The following CNTN5 variants were observed in gnomAD, a reference collection of about 807,000 sequenced individuals.
CNTN5 encodes contactin 5, also known as contactin-5.
CNTN5 carries 77 observed loss-of-function variants against 129.1 expected under a neutral mutation model. The observed-to-expected ratio is 0.60, with a 90% CI of 0.50 to 0.72. The LOEUF (loss-of-function observed/expected upper bound fraction) is 0.72. CNTN5 is among the 30% of genes least tolerant of loss of function. The probability of loss-of-function intolerance (pLI) is 0.00; values close to 1 mark genes in which losing one functional copy is unlikely to be tolerated. For synonymous variants in CNTN5, 509 were observed against 465.6 expected, an observed-to-expected ratio of 1.09 and a Z score of -1.20; for missense variants, 1,478 against 1,328.8, an observed-to-expected ratio of 1.11 and a Z score of -1.75.
chr11:99,223,379 C>T (rs1377143235), intron 1 of CNTN5, among the ~76,000 whole-genome samples: 1 of 152,138 alleles, frequency 6.6e-6, no homozygotes, highest in African/African-American at 2.4e-5. Flanking sequence ...ATAAAATTAT[C>T]TTTGGATTCA....
At chr11:99,456,112 T>C (rs554593596) in intron 2 of CNTN5, among the ~76,000 whole-genome samples, 6 of 152,158 alleles carry the variant, frequency 3.9e-5, no homozygotes, top group Non-Finnish European at 8.8e-5. Context: ...CAACCTCTTT[T>C]CATTCGGATC....
chr11:99,713,800 A>G (rs7942623), intron 3 of CNTN5, among the ~76,000 whole-genome samples: 44,101 of 151,842 alleles, frequency 0.29, 6,496 homozygotes, highest in South Asian at 0.35. Flanking sequence ...CCCTTCATTT[A>G]AAGAATGCAT....
chr11:99,474,600 T>C (rs1344092491), intron 2 of CNTN5, among the ~76,000 whole-genome samples: 1 of 152,076 alleles, frequency 6.6e-6, no homozygotes, highest in East Asian at 1.9e-4. Flanking sequence ...GAAGGAAAAA[T>C]CAATTTTTGT....
intron 15 of CNTN5, among the ~76,000 whole-genome samples, chr11:100,212,680 AGAGTAGATGATTCCTAAT>A (rs1949058230): frequency 6.6e-6 from 1 of 152,114 alleles, no homozygotes; most frequent in East Asian, 1.9e-4. Context: ...TTAAAAGGCT[AGAGTAGATGATTCCTAAT>A]GACTTTATCT....
intron 21 of CNTN5, among the ~76,000 whole-genome samples, chr11:100,338,562 G>A (rs988148793): frequency 2.6e-5 from 4 of 152,166 alleles, no homozygotes; most frequent in East Asian, 3.8e-4. Context: ...GACCTTCGCC[G>A]CAGTAATGCA....
At chr11:100,292,729 G>T (rs1471216173) in intron 18 of CNTN5, among the ~76,000 whole-genome samples, 1 of 151,916 alleles carries the variant, frequency 6.6e-6, no homozygotes, top group Non-Finnish European at 1.5e-5. Context: ...CATTACTTGT[G>T]CATGTATGTA....
rs969700233 is a variant in CNTN5 at position 100,306,859 on chromosome 11, T to C, written c.2621-1500T>C. On this transcript the variant is annotated intron_variant, in intron 20 of 24. Coordinates refer to ENST00000524871, the MANE Select transcript of CNTN5 (RefSeq NM_014361.4). ...AAAATAATAAAAAATATTCAAAAGG[T>C]GACAGAATGAGAAATTTCAACTTAT... Among the ~76,000 whole-genome samples, 4 of 151,602 alleles carry C rather than the reference T, an allele frequency of 2.6e-5. No homozygotes were observed. In the South Asian group the frequency reaches 8.3e-4, roughly 31 times the overall value.
chr11:99,093,954 G>T (rs1382466828), intron 1 of CNTN5, among the ~76,000 whole-genome samples: 3 of 151,762 alleles, frequency 2.0e-5, no homozygotes. Flanking sequence ...ACTCTGTGAG[G>T]CATTTGGAAA....
chr11:99,312,522 C>T (rs977846914), intron 1 of CNTN5, among the ~76,000 whole-genome samples: 1 of 152,066 alleles, frequency 6.6e-6, no homozygotes, highest in African/African-American at 2.4e-5. Context: ...GCTATAATAT[C>T]CTTCCTTTTC....
intron 13 of CNTN5, among the ~76,000 whole-genome samples, chr11:100,095,667 C>G (rs1448913187): frequency 6.6e-6 from 1 of 152,070 alleles, no homozygotes; most frequent in Non-Finnish European, 1.5e-5. Context: ...TGTGATTGTA[C>G]TTTTAGCACA....
chr11:99,450,253 T>C (rs539592680), intron 2 of CNTN5, among the ~76,000 whole-genome samples: 2 of 62,196 alleles, frequency 3.2e-5, no homozygotes, highest in East Asian at 8.7e-4. Flanking sequence ...GTATTGCTGG[T>C]AGAAATATAT....
chr11:100,250,412 T>C (rs74922984), intron 16 of CNTN5, among the ~76,000 whole-genome samples: 4,159 of 152,160 alleles, frequency 0.027, 206 homozygotes, highest in African/African-American at 0.095. Context: ...CATCTTTCCT[T>C]CTACAAATAT....
At chr11:100,258,433 G>A (rs1264018734) in intron 17 of CNTN5, among the ~76,000 whole-genome samples, 1 of 152,102 alleles carries the variant, frequency 6.6e-6, no homozygotes, top group Non-Finnish European at 1.5e-5. Flanking sequence ...AGGAAATAGA[G>A]AGAACACCAC....
chr11:100,249,330 T>G (rs190972347), intron 16 of CNTN5, among the ~76,000 whole-genome samples: 12 of 152,310 alleles, frequency 7.9e-5, no homozygotes, highest in Middle Eastern at 3.4e-3. Flanking sequence ...CAGTCTGCAA[T>G]GCTGGGGAAC....
At chr11:100,152,817 A>G (rs922182470) in intron 13 of CNTN5, among the ~76,000 whole-genome samples, 2 of 152,230 alleles carry the variant, frequency 1.3e-5, no homozygotes, top group African/African-American at 4.8e-5. Flanking sequence ...AAAGTATGTT[A>G]TAGCATTCCT....
At chr11:100,270,754 A>T (rs189169746) in intron 17 of CNTN5, among the ~76,000 whole-genome samples, 110 of 152,344 alleles carry the variant, frequency 7.2e-4, no homozygotes, top group African/African-American at 1.9e-3. Context: ...TTCCTAGAAA[A>T]TGAAAGAAAA....
chr11:100,328,188 CA>C (rs5794049), intron 21 of CNTN5, among the ~76,000 whole-genome samples: 97,963 of 150,028 alleles, frequency 0.65, 32,316 homozygotes, highest in East Asian at 0.97. Flanking sequence ...ATGTCGCTAC[CA>C]AAAAAAAAAA....
At chr11:100,251,805 T>C (rs1949968049) in intron 16 of CNTN5, among the ~76,000 whole-genome samples, 1 of 152,164 alleles carries the variant, frequency 6.6e-6, no homozygotes, top group South Asian at 2.1e-4. Flanking sequence ...ACATTTTCTT[T>C]ATCCATTCAT....
chr11:99,664,054 C>T (rs75825083), intron 3 of CNTN5, among the ~76,000 whole-genome samples: 6,958 of 152,210 alleles, frequency 0.046, 211 homozygotes, highest in South Asian at 0.096. Flanking sequence ...AGTATTGGAA[C>T]GGCGCGGGTA....
Sources: allele counts gnomAD v4.1 joint callset (sites outside exome capture counted in the v4.1 genomes callset), GRCh38; gene constraint gnomAD v4.1.1; transcripts MANE v1.5; gene names NCBI Gene and HGNC (gene_info 2026-07-23, HGNC 2026-07-21).